The following NCKAP5 variants were observed in gnomAD, a reference collection of about 807,000 sequenced individuals.
NCKAP5 encodes NCK associated protein 5, also known as nck-associated protein 5.
In NCKAP5, 92 loss-of-function variants were observed where a neutral mutation model predicts 167.0. The ratio of observed to expected loss-of-function variants is 0.55; its 90% CI spans 0.47 to 0.66. The LOEUF (loss-of-function observed/expected upper bound fraction) is 0.66. Ranked by LOEUF, NCKAP5 falls within the 30% of genes least tolerant of loss-of-function variation. NCKAP5 has a pLI of 0.00. For missense variants in NCKAP5, 2,378 were observed against 2,315.0 expected (o/e 1.03, Z -0.56); for synonymous variants, 891 against 877.4 (o/e 1.02, Z -0.27).
intron 8 of NCKAP5, among the ~76,000 whole-genome samples, chr2:132,956,752 T>C (rs2076355943): frequency 6.6e-6 from 1 of 152,228 alleles, no homozygotes; most frequent in African/African-American, 2.4e-5. Context: ...AGGTCATAGC[T>C]GACCATGCCT....
chr2:133,246,575 T>C (rs140841831), intron 4 of NCKAP5, among the ~76,000 whole-genome samples: 162 of 152,312 alleles, frequency 1.1e-3, no homozygotes, highest in African/African-American at 3.6e-3. Flanking sequence ...AAGGAATACA[T>C]ACAATGGCTG....
chr2:133,327,173 A>T (rs1682512311), intron 3 of NCKAP5, among the ~76,000 whole-genome samples: 1 of 152,148 alleles, frequency 6.6e-6, no homozygotes, highest in African/African-American at 2.4e-5. Flanking sequence ...AAACACTGGG[A>T]ATCTAATTTA....
At chr2:133,653,916 A>G in the NCKAP5 span, among the ~76,000 whole-genome samples, 2 of 152,222 alleles carry the variant, frequency 1.3e-5, no homozygotes, top group African/African-American at 2.4e-5. Flanking sequence ...AGGGAAGTAC[A>G]GTATTGTTAT....
intron 11 of NCKAP5, among the ~76,000 whole-genome samples, chr2:132,848,320 C>A (rs1395413132): frequency 6.6e-6 from 1 of 152,194 alleles, no homozygotes; most frequent in African/African-American, 2.4e-5. Context: ...CATCAGCTTG[C>A]AGATTACCTC....
the NCKAP5 span, among the ~76,000 whole-genome samples, chr2:133,578,443 C>T: frequency 6.6e-6 from 1 of 152,226 alleles, no homozygotes; most frequent in South Asian, 2.1e-4. Context: ...GGTCCCTTGT[C>T]GGGGAGCAGG....
At chr2:133,378,367 T>G (rs1385472959) in intron 3 of NCKAP5, among the ~76,000 whole-genome samples, 1 of 152,218 alleles carries the variant, frequency 6.6e-6, no homozygotes, top group African/African-American at 2.4e-5. Flanking sequence ...ACAAATTTTT[T>G]TCCTGCCTTT....
chr2:133,279,498 T>C (rs1042703407), intron 4 of NCKAP5, among the ~76,000 whole-genome samples: 3 of 152,210 alleles, frequency 2.0e-5, no homozygotes, highest in Admixed American at 6.5e-5. Context: ...ATAGCTTTAT[T>C]AATTTTGAAT....
At chr2:133,333,097 T>C (rs1418881314) in intron 3 of NCKAP5, among the ~76,000 whole-genome samples, 1 of 152,206 alleles carries the variant, frequency 6.6e-6, no homozygotes, top group African/African-American at 2.4e-5. Flanking sequence ...TCCTTTAATG[T>C]TTACTGGCAG....
chr2:132,909,684 A>G (rs1694290256), intron 8 of NCKAP5, among the ~76,000 whole-genome samples: 1 of 152,134 alleles, frequency 6.6e-6, no homozygotes, highest in Admixed American at 6.5e-5. Flanking sequence ...TGGGATAATT[A>G]CTCCATCCTT....
chr2:133,437,200 A>G (rs1030331698), intron 3 of NCKAP5, among the ~76,000 whole-genome samples: 7 of 152,080 alleles, frequency 4.6e-5, no homozygotes, highest in African/African-American at 1.7e-4. Flanking sequence ...AGAAATACAA[A>G]AAATTAGCCA....
At chr2:132,993,741 C>A (rs1219191770) in intron 7 of NCKAP5, among the ~76,000 whole-genome samples, 1 of 152,172 alleles carries the variant, frequency 6.6e-6, no homozygotes, top group Non-Finnish European at 1.5e-5. Context: ...GTTCTCTATT[C>A]CACAGGCCCA....
chr2:132,756,126 G>T (rs1680534478), intron 16 of NCKAP5, among the ~76,000 whole-genome samples: 3 of 152,068 alleles, frequency 2.0e-5, no homozygotes, highest in African/African-American at 7.2e-5. Context: ...TGAGACTGTT[G>T]CAGGAATCAA....
Position 132,785,017 on chromosome 2 carries a change from C to T in NCKAP5, c.1794G>A (p.Glu598=). The T allele has an allele frequency of 6.2e-7, 1 of 1,614,032 alleles. No individual in the cohort carries two copies. The highest frequency in any genetic ancestry group is 8.5e-7 in the Non-Finnish European group (1 of 1,179,886). ...CCAATGACACGTCTGAAGGACTTTT[C>T]TCATCACTGCTCTCTATGTGCAGCT... The part of the protein sequence containing the change: ...FDELHIESSD[E]KSPSDVSLAA... The change falls in exon 14 of 20, where the codon GAG becomes GAA. Residue 598 remains glutamate, a synonymous_variant. Transcript: ENST00000409261.
At chr2:133,529,359 C>G (rs959440264) in intron 2 of NCKAP5, among the ~76,000 whole-genome samples, 4 of 152,082 alleles carry the variant, frequency 2.6e-5, no homozygotes, top group African/African-American at 9.7e-5. Context: ...GCATTGACAT[C>G]TATTGTTCCG....
chr2:133,275,019 A>C (rs1171378120), intron 4 of NCKAP5, among the ~76,000 whole-genome samples: 2 of 152,046 alleles, frequency 1.3e-5, no homozygotes. Context: ...ACCATGAAAA[A>C]TATGTATTAT....
chr2:132,762,780 G>A (rs545350647), intron 16 of NCKAP5, among the ~76,000 whole-genome samples: 3 of 152,188 alleles, frequency 2.0e-5, no homozygotes, highest in Admixed American at 6.5e-5. Flanking sequence ...TTAGGGTCTG[G>A]GGGTACTAAT....
At chr2:133,223,987 A>G (rs2086772186) in intron 4 of NCKAP5, among the ~76,000 whole-genome samples, 1 of 152,206 alleles carries the variant, frequency 6.6e-6, no homozygotes, top group Non-Finnish European at 1.5e-5. Context: ...ACTAACAAAA[A>G]TCCTAATTTT....
chr2:132,807,414 T>C lies in NCKAP5; in HGVS notation c.808-10685A>G, dbSNP rs1015888161. Reference sequence around the variant, plus strand: ...AGCATGGGATGTGTTTCCATTTGTTTGTGTCATCTATGATTTCTTTCAACA... The same window carrying C: ...AGCATGGGATGTGTTTCCATTTGTTCGTGTCATCTATGATTTCTTTCAACA... On this transcript the variant is annotated intron_variant, in intron 11 of 19. Transcript: ENST00000409261. Among the ~76,000 whole-genome samples, 4 of 152,200 alleles carry C rather than the reference T, an allele frequency of 2.6e-5. No individual in the cohort carries two copies. The East Asian group carries it at 5.8e-4, about 22-fold the overall frequency.
chr2:132,895,296 A>G (rs949166035), intron 8 of NCKAP5, among the ~76,000 whole-genome samples: 1 of 144,424 alleles, frequency 6.9e-6, no homozygotes, highest in Non-Finnish European at 1.5e-5. Context: ...GCGTCACTGC[A>G]CTCCAGCCTG....
Sources: allele counts gnomAD v4.1 joint callset (sites outside exome capture counted in the v4.1 genomes callset), GRCh38; gene constraint gnomAD v4.1.1; transcripts MANE v1.5; gene names NCBI Gene and HGNC (gene_info 2026-07-23, HGNC 2026-07-21).